Variants in ADAM22 observed in about 807,000 individuals in gnomAD.
The protein encoded by ADAM22 is ADAM metallopeptidase domain 22.
A neutral mutation model predicts 144.6 loss-of-function variants in ADAM22; 65 were observed. That is an observed-to-expected ratio of 0.45 (90% CI 0.37 to 0.55). ADAM22 has a LOEUF of 0.55. Ranked by LOEUF, ADAM22 falls within the 20% of genes least tolerant of loss-of-function variation. The probability of loss-of-function intolerance (pLI) is 0.00; values close to 1 mark genes in which losing one functional copy is unlikely to be tolerated. For synonymous variants in ADAM22, 391 were observed against 412.6 expected, an observed-to-expected ratio of 0.95 and a Z score of 0.63; for missense variants, 974 against 1,184.9, an observed-to-expected ratio of 0.82 and a Z score of 2.61.
chr7:88,036,588 T>G (rs1801574280), intron 3 of ADAM22, among the ~76,000 whole-genome samples: 1 of 152,164 alleles, frequency 6.6e-6, no homozygotes, highest in South Asian at 2.1e-4. Flanking sequence ...TGGAATACAG[T>G]ACTGTATCTG....
intron 3 of ADAM22, among the ~76,000 whole-genome samples, chr7:88,006,638 C>T (rs1425045617): frequency 2.1e-5 from 3 of 145,938 alleles, no homozygotes; most frequent in Non-Finnish European, 4.6e-5. Context: ...TAAACAGAAC[C>T]AAAGACAAAA....
At chr7:88,189,180 A>G (rs1472604100) in intron 30 of ADAM22, among the ~76,000 whole-genome samples, 2 of 152,156 alleles carry the variant, frequency 1.3e-5, no homozygotes, top group East Asian at 3.9e-4. Context: ...TGTCCTCTGC[A>G]TGAATTCAGG....
chr7:88,153,010 T>C (rs1838899471), intron 20 of ADAM22, among the ~76,000 whole-genome samples: 1 of 152,180 alleles, frequency 6.6e-6, no homozygotes, highest in Non-Finnish European at 1.5e-5. Flanking sequence ...ATTTGTTTAC[T>C]AAATTTCAAA....
In ADAM22 at chr7:88,190,237, T is replaced by A. The variant is rs560947590; in HGVS notation, c.2751-2879T>A. 1.3e-3 allele frequency among the ~76,000 whole-genome samples: 202 copies of A among 152,218 alleles called. 2 individuals carry two copies. Among genetic ancestry groups the A allele is most frequent in the African/African-American group, 4.6e-3 (193 of 41,546 alleles). On this transcript the variant is annotated intron_variant, in intron 30 of 31. Coordinates refer to ENST00000413139, the MANE Select transcript of ADAM22 (RefSeq NM_001324418.2). ...TATCCATTATGGTAATTATAGTTTTTAAAAATACAGTAATGGGCTGGGTGG... is the reference window on the plus strand; with the variant it reads ...TATCCATTATGGTAATTATAGTTTTAAAAAATACAGTAATGGGCTGGGTGG...
chr7:88,038,938 G>C (rs1393637429), intron 3 of ADAM22, among the ~76,000 whole-genome samples: 1 of 151,912 alleles, frequency 6.6e-6, no homozygotes, highest in Non-Finnish European at 1.5e-5. Context: ...GTGAGGCCAT[G>C]CCTGGCTAAT....
chr7:88,116,813 T>C lies in ADAM22; in HGVS notation c.606T>C (p.Ser202=). The change falls in exon 7 of 32, where the codon TCT becomes TCC. Residue 202 remains serine (S), a splice_region_variant and synonymous_variant. Coordinates refer to ENST00000413139, the MANE Select transcript of ADAM22 (RefSeq NM_001324418.2). Reference sequence around the variant, plus strand: ...AATTTTCCTTGGATGATCTTCCATCTGGTATGATGTTCATATAGTGACTTT... The same window carrying C: ...AATTTTCCTTGGATGATCTTCCATCCGGTATGATGTTCATATAGTGACTTT... ...LFEFSLDDLP[S]EFQQVNITPS... is the part of the protein sequence containing the mutation. 1 of 1,607,946 alleles carries C rather than the reference T, an allele frequency of 6.2e-7. No individual in the cohort carries two copies. The highest frequency in any genetic ancestry group is 8.5e-7 in the Non-Finnish European group (1 of 1,174,780).
intron 3 of ADAM22, among the ~76,000 whole-genome samples, chr7:88,063,338 T>C (rs138426261): frequency 9.9e-5 from 15 of 152,224 alleles, no homozygotes; most frequent in Non-Finnish European, 2.1e-4. Flanking sequence ...AGTAGACGTT[T>C]GAATACTATG....
intron 17 of ADAM22, among the ~76,000 whole-genome samples, chr7:88,146,146 T>C (rs772017195): frequency 9.9e-5 from 15 of 152,218 alleles, no homozygotes; most frequent in Non-Finnish European, 1.5e-4. Flanking sequence ...ATCTAATTCT[T>C]GTTTTCTCAT....
At chr7:87,998,611 G>A (rs899892123) in intron 3 of ADAM22, among the ~76,000 whole-genome samples, 6 of 152,144 alleles carry the variant, frequency 3.9e-5, no homozygotes, top group Admixed American at 6.5e-5. Context: ...GGCTGGTCTC[G>A]AACTCTTGAC....
intron 22 of ADAM22, among the ~76,000 whole-genome samples, chr7:88,159,094 TACAA>T (rs1424565000): frequency 4.6e-5 from 7 of 151,796 alleles, no homozygotes; most frequent in Non-Finnish European, 7.4e-5. Flanking sequence ...CCCACAGAAA[TACAA>T]ACAATCATCA....
At chr7:88,034,219 G>A (rs1585145109) in intron 3 of ADAM22, among the ~76,000 whole-genome samples, 1 of 152,120 alleles carries the variant, frequency 6.6e-6, no homozygotes, top group African/African-American at 2.4e-5. Context: ...TACTGCTGCC[G>A]ATTATTCAGG....
rs879359260 is a variant in ADAM22 at position 88,202,878 on chromosome 7, A to C, written c.*6387A>C. 2.6e-5 allele frequency: 4 copies of C among 152,172 alleles called. No individual in the cohort carries two copies. The highest frequency in any genetic ancestry group is 4.4e-5 in the Non-Finnish European group (3 of 68,018). 9.4% of individuals were successfully genotyped at this position (152,172 alleles called of 1,614,324 possible). A position where few individuals can be genotyped will look rare whatever the true frequency, so the allele number is the denominator to read the frequency against. ...TAAAGTGACTTTCAATAAAAGATTT[A>C]TGTTATTTTGATGCACGACTCTTCT... On this transcript the variant is annotated 3_prime_UTR_variant, in exon 32 of 32. Coordinates refer to ENST00000413139, the MANE Select transcript of ADAM22 (RefSeq NM_001324418.2).
chr7:87,965,278 T>A (rs1415879335), intron 2 of ADAM22, among the ~76,000 whole-genome samples: 1 of 152,238 alleles, frequency 6.6e-6, no homozygotes, highest in African/African-American at 2.4e-5. Flanking sequence ...CATTAGGGAC[T>A]TAACTGCTTT....
intron 20 of ADAM22, among the ~76,000 whole-genome samples, chr7:88,151,623 C>T (rs988869028): frequency 2.0e-5 from 3 of 152,196 alleles, no homozygotes; most frequent in Non-Finnish European, 2.9e-5. Context: ...TGGATTTCAG[C>T]TCCATGTATA....
chr7:87,955,130 C>T (rs1451189681), intron 2 of ADAM22, among the ~76,000 whole-genome samples: 1 of 152,248 alleles, frequency 6.6e-6, no homozygotes, highest in Non-Finnish European at 1.5e-5. Context: ...CTTCTTCTCT[C>T]AACTCGTCAA....
intron 2 of ADAM22, among the ~76,000 whole-genome samples, chr7:87,943,638 T>C (rs570151921): frequency 6.6e-5 from 10 of 152,292 alleles, no homozygotes; most frequent in African/African-American, 2.2e-4. Context: ...TTTGTTTTGT[T>C]TCCCCCAGGA....
At chr7:87,967,402 T>C (rs887150168) in intron 2 of ADAM22, among the ~76,000 whole-genome samples, 8 of 152,242 alleles carry the variant, frequency 5.3e-5, no homozygotes, top group Admixed American at 4.6e-4. Flanking sequence ...GTAGAAAGAT[T>C]GCTTGAGCTC....
At chr7:87,983,876 C>T (rs1213358469) in intron 3 of ADAM22, among the ~76,000 whole-genome samples, 2 of 152,036 alleles carry the variant, frequency 1.3e-5, no homozygotes, top group Non-Finnish European at 2.9e-5. Context: ...GTTAAAGCTT[C>T]CAGGACTAGT....
Position 88,186,774 on chromosome 7 carries a change from T to A in ADAM22, c.2750+73T>A, listed in dbSNP as rs141307869. 1.8e-4 allele frequency: 174 copies of A among 946,134 alleles called. No individual in the cohort carries two copies. The East Asian group carries it at 4.1e-3, about 23-fold the overall frequency. 58.6% of individuals were successfully genotyped at this position (946,134 alleles called of 1,614,324 possible). ...ATACAAATACTGTAGTGTGACTGGC[T>A]CTCTATCTTGTATCTCCCAATACAA... On this transcript the variant is annotated intron_variant, in intron 30 of 31. Transcript: ENST00000413139.
Sources: gnomAD v4.1 joint callset for allele counts (sites outside exome capture counted in the v4.1 genomes callset) on GRCh38, gnomAD v4.1.1 for gene constraint, MANE v1.5 for transcripts, NCBI Gene and HGNC (gene_info 2026-07-23, HGNC 2026-07-21) for gene names.